The following C16orf96 variants were observed in gnomAD, a reference collection of about 807,000 sequenced individuals.
The protein encoded by C16orf96 is uncharacterized protein C16orf96.
A neutral mutation model predicts 103.6 loss-of-function variants in C16orf96; 108 were observed. The observed-to-expected ratio is 1.04, with a 90% CI of 0.89 to 1.22. The LOEUF is 1.22. C16orf96 is among the 50% of genes most tolerant of loss of function. C16orf96 has a pLI of 0.00. For synonymous variants in C16orf96, 566 were observed against 593.5 expected (o/e 0.95, Z 0.67); for missense variants, 1,586 against 1,464.2 (o/e 1.08, Z -1.36).
upstream of C16orf96, among the ~76,000 whole-genome samples, chr16:4,555,386 TC>T (rs2059253575): frequency 6.6e-6 from 1 of 151,930 alleles, no homozygotes; most frequent in African/African-American, 2.4e-5. Flanking sequence ...CTTTTTTTTT[TC>T]TTTTGAGACG....
rs1380000407 is a variant in C16orf96 at position 4,575,738 on chromosome 16, C to T, written c.1258C>T (p.Pro420Ser). Residue 420 changes from proline to serine, a missense_variant, in exon 5 of 16, where the codon CCC becomes TCC. Transcript: ENST00000444310. Reference protein sequence around the residue: ...LGVLRPTQPQPSRAPPPATEF... With the variant: ...LGVLRPTQPQSSRAPPPATEF... The stretch of plus-strand genomic sequence containing the variant: ...TGTCCTGCGGCCAACTCAGCCCCAA[C>T]CCTCCAGGGCCCCACCACCAGCCAC... The T allele has an allele frequency of 1.9e-6, 3 of 1,540,194 alleles. No individual in the cohort carries two copies. Among genetic ancestry groups the T allele is most frequent in the Admixed American group, 4.0e-5 (2 of 49,654 alleles).
intron 5 of C16orf96, among the ~76,000 whole-genome samples, chr16:4,578,117 A>G (rs1340123230): frequency 6.6e-6 from 1 of 152,150 alleles, no homozygotes; most frequent in African/African-American, 2.4e-5. Context: ...CTCCATACAA[A>G]CAAAATTTAA....
intron 7 of C16orf96, among the ~76,000 whole-genome samples, chr16:4,584,128 G>A (rs1287567658): frequency 6.6e-6 from 1 of 152,006 alleles, no homozygotes; most frequent in African/African-American, 2.4e-5. Flanking sequence ...ATGCAGGATG[G>A]GAGCAAGATC....
At chr16:4,581,565 A>C (rs573474838) in intron 7 of C16orf96, among the ~76,000 whole-genome samples, 2 of 151,618 alleles carry the variant, frequency 1.3e-5, no homozygotes, top group African/African-American at 4.8e-5. Flanking sequence ...CCTGGGAGGC[A>C]GAGCTTGCAG....
At chr16:4,585,195 G>A (rs1596533010) in intron 7 of C16orf96, among the ~76,000 whole-genome samples, 1 of 146,978 alleles carries the variant, frequency 6.8e-6, no homozygotes, top group African/African-American at 2.5e-5. Context: ...GATGGCTCTT[G>A]TAATCCCAGC....
At chr16:4,583,251 A>G (rs746655900) in intron 7 of C16orf96, among the ~76,000 whole-genome samples, 30 of 152,168 alleles carry the variant, frequency 2.0e-4, no homozygotes, top group Non-Finnish European at 4.1e-4. Context: ...GAAAAATCTC[A>G]GCACTTTGGG....
the C16orf96 span, among the ~76,000 whole-genome samples, chr16:4,548,884 A>AC: frequency 6.6e-6 from 1 of 150,996 alleles, no homozygotes; most frequent in African/African-American, 2.4e-5. Flanking sequence ...CTCAAAAAAA[A>AC]AAAAAAAGAA....
chr16:4,553,513 TA>T (rs1488256896), upstream of C16orf96, among the ~76,000 whole-genome samples: 1 of 152,124 alleles, frequency 6.6e-6, no homozygotes, highest in Non-Finnish European at 1.5e-5. Context: ...AATTTTGGTA[TA>T]TTTTTTAGAG....
rs1471706096 is a variant in C16orf96, at chr16:4,576,390, T to C, written c.1910T>C (p.Ile637Thr). Residue 637 changes from isoleucine to threonine, a missense_variant, in exon 5 of 16, where the codon ATC (isoleucine) becomes ACC (threonine). By Grantham distance (89) the Ile-to-Thr change is moderately conservative. Transcript: ENST00000444310. ...TCCCGGGGAGCCACAGAATCCCAGA[T>C]CTTGGGCGATGATTCCGAAATCTAC... ...GPSRGATESQ[I>T]LGDDSEIYEI... 1 of 1,550,938 alleles carries C rather than the reference T, an allele frequency of 6.4e-7. No individual in the cohort carries two copies. The highest frequency in any genetic ancestry group is 2.0e-5 in the Admixed American group (1 of 50,974).
chr16:4,542,457 A>G, the C16orf96 span, among the ~76,000 whole-genome samples: 1 of 152,228 alleles, frequency 6.6e-6, no homozygotes, highest in Non-Finnish European at 1.5e-5. Context: ...AATTTTAATA[A>G]TACATTTAAC....
chr16:4,544,745 C>T, the C16orf96 span, among the ~76,000 whole-genome samples: 1 of 152,196 alleles, frequency 6.6e-6, no homozygotes, highest in Non-Finnish European at 1.5e-5. Context: ...AGCCAGCCCT[C>T]AGACCAATGG....
intron 6 of C16orf96, 81 bp from the exon 7 acceptor site, chr16:4,579,934 C>G: frequency 8.1e-7 from 1 of 1,236,568 alleles, no homozygotes; most frequent in Non-Finnish European, 1.2e-6. Flanking sequence ...TCTTCTTGGC[C>G]TCAACCCTCC....
At chr16:4,548,292 G>A in the C16orf96 span, among the ~76,000 whole-genome samples, 1 of 152,130 alleles carries the variant, frequency 6.6e-6, no homozygotes, top group Non-Finnish European at 1.5e-5. Context: ...CCTGGGCAAC[G>A]TTCACTTTCT....
chr16:4,580,310 A>ACCCCCCCCCCCCCCCC (rs150403662), intron 7 of C16orf96, among the ~76,000 whole-genome samples, 185 bp downstream of exon 7: 3 of 104,506 alleles, frequency 2.9e-5, no homozygotes, highest in Non-Finnish European at 6.1e-5. Flanking sequence ...GAATCCCACC[A>ACCCCCCCCCCCCCCCC]CCCCCCCCCA....
Position 4,556,370 on chromosome 16 carries a change from T to G in C16orf96, c.-120T>G. 2.0e-6 allele frequency: 2 copies of G among 1,022,274 alleles called. No homozygotes were observed. The highest frequency in any genetic ancestry group is 2.8e-6 in the Non-Finnish European group (2 of 725,978). The allele number at this position is 1,022,274 out of a possible 1,614,324, so 63.3% of individuals were successfully genotyped here. On this transcript the variant is annotated 5_prime_UTR_variant, in exon 1 of 16. Transcript: ENST00000444310. ...AGAGGCCATTCCTCCCTGACTGCTG[T>G]GACTCACCACCACCCCAGGCCTCTG... is the stretch of plus-strand genomic sequence containing the variant.
upstream of C16orf96, among the ~76,000 whole-genome samples, chr16:4,553,697 A>T (rs1400451092): frequency 6.6e-6 from 1 of 151,220 alleles, no homozygotes; most frequent in South Asian, 2.1e-4. Context: ...CTGCTCTCCA[A>T]CTCCTGGATT....
At chr16:4,574,020 G>A (rs897139342) in intron 2 of C16orf96, among the ~76,000 whole-genome samples, 1 of 151,610 alleles carries the variant, frequency 6.6e-6, no homozygotes, top group South Asian at 2.1e-4. Flanking sequence ...TTTTAGTGGA[G>A]GTGGGGGCTT....
At chr16:4,599,450 C>G (rs1897240506) in intron 15 of C16orf96, 86 bp downstream of exon 15, 1 of 1,192,620 alleles carries the variant, frequency 8.4e-7, no homozygotes, top group Non-Finnish European at 1.2e-6. Context: ...CCCCCACACC[C>G]CGCCTGGGCT....
chr16:4,575,132 G>C (rs2059485642), intron 4 of C16orf96, 42 bp from the exon 5 acceptor site: 2 of 1,546,522 alleles, frequency 1.3e-6, no homozygotes, highest in Non-Finnish European at 1.7e-6. Context: ...GTGGGAGGCG[G>C]GGCTGGAAGC....
Sources: gnomAD v4.1 joint callset for allele counts (sites outside exome capture counted in the v4.1 genomes callset) on GRCh38, gnomAD v4.1.1 for gene constraint, MANE v1.5 for transcripts, NCBI Gene and HGNC (gene_info 2026-07-23, HGNC 2026-07-21) for gene names.